KDM5A: variants seen among roughly 807,000 people sequenced by gnomAD.
KDM5A encodes the protein lysine-specific demethylase 5A.
Under a neutral mutation model 193.5 loss-of-function variants are expected in KDM5A, and 42 were observed. That is an observed-to-expected ratio of 0.22 (90% CI 0.17 to 0.28). The LOEUF is 0.28. KDM5A is among the 10% of genes least tolerant of loss of function. The probability of loss-of-function intolerance (pLI) is 1.00; values close to 1 mark genes in which losing one functional copy is unlikely to be tolerated. For synonymous variants in KDM5A, 796 were observed against 718.1 expected, an observed-to-expected ratio of 1.11 and a Z score of -1.73; for missense variants, 1,692 against 2,055.1, an observed-to-expected ratio of 0.82 and a Z score of 3.42.
intron 1 of KDM5A, 59 bp from the exon 2 acceptor site, chr12:386,033 T>C: frequency 4.5e-6 from 6 of 1,338,202 alleles, no homozygotes; most frequent in Non-Finnish European, 6.4e-6. Flanking sequence ...AATGCATTAA[T>C]TATTCCCTTA....
chr12:355,183 C>T lies in KDM5A; in HGVS notation c.845G>A (p.Arg282Gln), dbSNP rs772720111. 1.2e-6 allele frequency: 2 copies of T among 1,609,626 alleles called. No individual in the cohort carries two copies. The highest frequency in any genetic ancestry group is 1.7e-5 in the Admixed American group (1 of 60,018). ...AAAGTTAACAGAGAGAGTGCCTTTCCGTTGTCTCATTTGCATGTTAAATGC... is the reference window on the plus strand; with the variant it reads ...AAAGTTAACAGAGAGAGTGCCTTTCTGTTGTCTCATTTGCATGTTAAATGC... ...SDAFNMQMRQ[R>Q]KGTLSVNFVD... The change falls in exon 7 of 28, where the codon CGG becomes CAG. Residue 282 changes from arginine to glutamine, a missense_variant. By Grantham distance (43) the Arg-to-Gln change is conservative (BLOSUM62 1). This residue lies in a region of KDM5A where 134 missense variants were observed against 124.2 expected (regional missense o/e 1.08). Transcript: ENST00000399788.
At chr12:297,239 C>T in intron 24 of KDM5A, 39 bp from the exon 25 acceptor site, 2 of 1,604,194 alleles carry the variant, frequency 1.2e-6, no homozygotes, top group Non-Finnish European at 8.5e-7. Flanking sequence ...GAATTAGAGT[C>T]ATTTAACTTA....
At chr12:350,915 C>G (rs1018696286) in intron 9 of KDM5A, 136 bp from the exon 10 acceptor site, 2 of 774,270 alleles carry the variant, frequency 2.6e-6, no homozygotes, top group South Asian at 3.2e-5. Flanking sequence ...CAGTAAAGAC[C>G]GAGATCCTAG....
chr12:384,011 TA>T lies in KDM5A; in HGVS notation c.366+19del. 6.2e-7 allele frequency: 1 copy of T among 1,612,634 alleles called. No homozygotes were observed. Reference sequence around the variant, plus strand: ...ATTCACAAGCCTGTGCTCTAATTTCTAAACCAGTATGAGCCTCACCTTGCTC... The same window carrying T: ...ATTCACAAGCCTGTGCTCTAATTTCTAACCAGTATGAGCCTCACCTTGCTC... On this transcript the variant is annotated intron_variant, in intron 3 of 27. Transcript: ENST00000399788.
chr12:299,215 T>C (rs1361601599), intron 24 of KDM5A, among the ~76,000 whole-genome samples: 3 of 152,076 alleles, frequency 2.0e-5, no homozygotes, highest in African/African-American at 7.2e-5. Flanking sequence ...AAGATACTCC[T>C]TGAGAAGAGC....
rs2229351 is a variant in KDM5A at position 297,126 on chromosome 12, G to T, written c.4149C>A (p.Ser1383=). 6.2e-7 allele frequency: 1 copy of T among 1,613,560 alleles called. No homozygotes were observed. Among genetic ancestry groups the T allele is most frequent in the South Asian group, 1.1e-5 (1 of 91,068 alleles). The change falls in exon 25 of 28, where the codon TCC becomes TCA. Residue 1383 remains serine (S), a synonymous_variant. Coordinates refer to ENST00000399788, the MANE Select transcript of KDM5A (RefSeq NM_001042603.3). The part of the protein sequence containing the change: ...LFCDEEIPIK[S]EEVVTHMWTA... ...TCCACATGTGGGTCACCACCTCCTC[G>T]GATTTGATGGGAATCTCTTCATCAC...
chr12:361,849 A>C (rs916208143), intron 5 of KDM5A, among the ~76,000 whole-genome samples: 5 of 152,212 alleles, frequency 3.3e-5, no homozygotes, highest in African/African-American at 7.2e-5. Flanking sequence ...TACTTTCAAA[A>C]GGTACCTAAG....
At position 318,356 on chromosome 12, in the gene KDM5A, T is replaced by A; in HGVS notation, c.2647A>T (p.Ser883Cys). The part of the protein sequence containing the change: ...KLQMLIDMGS[S>C]LYVELPELPR... ...AATTCAGGGAGTTCCACATAGAGACTAGAGCCCATATCTATCAACATCTGG... is the reference window on the plus strand; with the variant it reads ...AATTCAGGGAGTTCCACATAGAGACAAGAGCCCATATCTATCAACATCTGG... The change falls in exon 19 of 28, where the codon AGT becomes TGT. Residue 883 changes from serine (S) to cysteine (C), a missense_variant. Coordinates refer to ENST00000399788, the MANE Select transcript of KDM5A (RefSeq NM_001042603.3). 2 of 1,614,112 alleles carry A rather than the reference T, an allele frequency of 1.2e-6. No individual in the cohort carries two copies. The highest frequency in any genetic ancestry group is 1.7e-6 in the Non-Finnish European group (2 of 1,179,966).
At chr12:291,691 T>C (rs574814477) in intron 27 of KDM5A, among the ~76,000 whole-genome samples, 2 of 152,308 alleles carry the variant, frequency 1.3e-5, no homozygotes, top group East Asian at 1.9e-4. Flanking sequence ...TATCAAATAG[T>C]ATAATGAGCA....
intron 24 of KDM5A, among the ~76,000 whole-genome samples, chr12:299,594 A>T (rs369525927): frequency 2.6e-5 from 4 of 152,212 alleles, no homozygotes; most frequent in African/African-American, 9.6e-5. Context: ...TGGAAAAAAC[A>T]TACCAAATCG....
chr12:304,562 T>C (rs1055921383), intron 24 of KDM5A, among the ~76,000 whole-genome samples: 1 of 149,784 alleles, frequency 6.7e-6, no homozygotes, highest in Non-Finnish European at 1.5e-5. Context: ...TGAATTACCA[T>C]AAGTCTTGCC....
At chr12:315,711 A>G (rs1051971396) in intron 19 of KDM5A, among the ~76,000 whole-genome samples, 1 of 152,136 alleles carries the variant, frequency 6.6e-6, no homozygotes, top group Non-Finnish European at 1.5e-5. Flanking sequence ...GATAAAGAAG[A>G]AGGGAAGAGT....
At chr12:338,047 A>G (rs1337506421) in intron 10 of KDM5A, among the ~76,000 whole-genome samples, 2 of 152,222 alleles carry the variant, frequency 1.3e-5, no homozygotes, top group African/African-American at 2.4e-5. Flanking sequence ...GTTAAGTGAA[A>G]GCAATATATT....
At position 281,812 on chromosome 12, in the gene KDM5A, C is replaced by T. The variant is rs1310783479; in HGVS notation, c.*3644G>A. The stretch of plus-strand genomic sequence containing the variant: ...CTGTAAGTACTGGCTGATATTCACA[C>T]ACATGTACTACAGAATTAAAATACT... On this transcript the variant is annotated 3_prime_UTR_variant, in exon 28 of 28. Transcript: ENST00000399788. The T allele has an allele frequency of 3.2e-5, 8 of 246,346 alleles. No homozygotes were observed. The highest frequency in any genetic ancestry group is 2.4e-3 in the Middle Eastern group (2 of 822). 15.3% of individuals were successfully genotyped at this position (246,346 alleles called of 1,614,324 possible). A position where few individuals can be genotyped will look rare whatever the true frequency, so the allele number is the denominator to read the frequency against.
intron 10 of KDM5A, among the ~76,000 whole-genome samples, chr12:347,263 G>A (rs1349328941): frequency 6.6e-6 from 1 of 152,072 alleles, no homozygotes; most frequent in Non-Finnish European, 1.5e-5. Flanking sequence ...AAATAAAAGA[G>A]GACACAGCAA....
At chr12:370,262 A>T (rs535204431) in intron 3 of KDM5A, among the ~76,000 whole-genome samples, 24 of 152,178 alleles carry the variant, frequency 1.6e-4, no homozygotes, top group African/African-American at 5.8e-4. Flanking sequence ...GCGTGGTGGC[A>T]GGCACCTGTA....
intron 12 of KDM5A, among the ~76,000 whole-genome samples, chr12:332,626 A>G (rs539397898): frequency 6.6e-6 from 1 of 152,304 alleles, no homozygotes; most frequent in South Asian, 2.1e-4. Context: ...TTTGCAGTAT[A>G]TTTTTATTTC....
chr12:297,833 CCAGT>C (rs1293707942), intron 24 of KDM5A, among the ~76,000 whole-genome samples: 4 of 152,168 alleles, frequency 2.6e-5, no homozygotes, highest in Non-Finnish European at 4.4e-5. Context: ...CCCTTCTTTC[CCAGT>C]CAGTCTGCAT....
intron 10 of KDM5A, among the ~76,000 whole-genome samples, chr12:347,115 A>G (rs1202409841): frequency 6.6e-6 from 1 of 151,860 alleles, no homozygotes; most frequent in Admixed American, 6.6e-5. Flanking sequence ...ATTCTTATAT[A>G]TCATTAACAG....
Sources: gnomAD v4.1 joint callset for allele counts (sites outside exome capture counted in the v4.1 genomes callset) on GRCh38, gnomAD v4.1.1 for gene constraint, gnomAD v4.1.1 regional missense constraint, MANE v1.5 for transcripts, NCBI Gene and HGNC (gene_info 2026-07-23, HGNC 2026-07-21) for gene names.